The following MYPN variants were observed in gnomAD, a reference collection of about 807,000 sequenced individuals.
The protein encoded by MYPN is sarcomeric protein myopalladin, 145 kDa (MYOP).
MYPN carries 63 observed loss-of-function variants against 129.4 expected under a neutral mutation model. The observed-to-expected ratio is 0.49, with a 90% confidence interval of 0.40 to 0.60. The LOEUF (loss-of-function observed/expected upper bound fraction) is 0.60, where lower values mean the gene tolerates loss of function less well. MYPN is among the 20% of genes least tolerant of loss of function. The pLI, the probability that MYPN is intolerant of heterozygous loss-of-function variation, is 0.00. For missense variants in MYPN, 1,596 were observed against 1,635.4 expected (o/e 0.98, Z 0.42); for synonymous variants, 629 against 600.9 (o/e 1.05, Z -0.68).
At chr10:68,203,927 T>C (rs915289153) in intron 18 of MYPN, among the ~76,000 whole-genome samples, 2 of 152,210 alleles carry the variant, frequency 1.3e-5, no homozygotes, top group African/African-American at 4.8e-5. Flanking sequence ...CTCACCTATA[T>C]ACCTCTGCTC....
chr10:68,099,525 C>T (rs2041972320), intron 1 of MYPN, among the ~76,000 whole-genome samples: 1 of 151,946 alleles, frequency 6.6e-6, no homozygotes, highest in African/African-American at 2.4e-5. Flanking sequence ...ATCCCAGCCT[C>T]ATGTCTCAGG....
At chr10:68,147,930 T>C (rs1374746262) in intron 4 of MYPN, among the ~76,000 whole-genome samples, 2 of 152,184 alleles carry the variant, frequency 1.3e-5, no homozygotes, top group African/African-American at 4.8e-5. Flanking sequence ...GTTTTATATA[T>C]GAGAGACCCT....
chr10:68,196,566 C>T (rs2043610910), intron 15 of MYPN, among the ~76,000 whole-genome samples: 2 of 146,428 alleles, frequency 1.4e-5, no homozygotes, highest in South Asian at 4.4e-4. Flanking sequence ...TCACTGCAAC[C>T]TCCACCTTCC....
intron 2 of MYPN, among the ~76,000 whole-genome samples, chr10:68,141,635 C>T (rs1473839943): frequency 1.3e-5 from 2 of 152,162 alleles, no homozygotes; most frequent in African/African-American, 2.4e-5. Flanking sequence ...CCCTTCGCCC[C>T]TAATAGCCGC....
intron 12 of MYPN, among the ~76,000 whole-genome samples, chr10:68,175,854 A>G (rs760506866): frequency 6.6e-6 from 1 of 152,136 alleles, no homozygotes; most frequent in Non-Finnish European, 1.5e-5. Flanking sequence ...TCCTGGGCTC[A>G]AGTGTTCCTC....
chr10:68,206,930 T>A, intron 19 of MYPN, 27 bp downstream of exon 19: 1 of 1,613,844 alleles, frequency 6.2e-7, no homozygotes, highest in Non-Finnish European at 8.5e-7. Flanking sequence ...TAGTTGAACA[T>A]CTGTATGCAA....
intron 1 of MYPN, among the ~76,000 whole-genome samples, chr10:68,095,236 G>T (rs1164075315): frequency 6.6e-6 from 1 of 151,808 alleles, no homozygotes. Flanking sequence ...TGTGGTCCCA[G>T]CTACTCGGGA....
intron 6 of MYPN, among the ~76,000 whole-genome samples, chr10:68,157,860 A>AAAC (rs745940083): frequency 2.7e-4 from 8 of 29,358 alleles, no homozygotes; most frequent in African/African-American, 4.8e-4. Context: ...ACAAACAAAC[A>AAAC]AAAAAAAACA....
chr10:68,183,180 G>T (rs1242208230), intron 12 of MYPN, among the ~76,000 whole-genome samples: 1 of 152,128 alleles, frequency 6.6e-6, no homozygotes. Flanking sequence ...TTTCTCTGCG[G>T]CCAGGCACGG....
At chr10:68,115,401 G>A (rs766615342) in intron 1 of MYPN, among the ~76,000 whole-genome samples, 1 of 152,196 alleles carries the variant, frequency 6.6e-6, no homozygotes, top group South Asian at 2.1e-4. Context: ...GTTGCTCAGG[G>A]CATAAATATT....
At chr10:68,185,866 A>G (rs117041454) in intron 12 of MYPN, among the ~76,000 whole-genome samples, 2,329 of 152,300 alleles carry the variant, frequency 0.015, 24 homozygotes, top group Middle Eastern at 0.051. Context: ...TAAACTGGCA[A>G]GTCTAGAAAA....
chr10:68,191,367 G>A (rs1264883294), intron 13 of MYPN, among the ~76,000 whole-genome samples: 1 of 151,944 alleles, frequency 6.6e-6, no homozygotes, highest in East Asian at 1.9e-4. Context: ...ACAGCTGTGT[G>A]CCACTATGCC....
chr10:68,162,719 G>C (rs2042997063), intron 8 of MYPN, among the ~76,000 whole-genome samples: 1 of 152,226 alleles, frequency 6.6e-6, no homozygotes, highest in Non-Finnish European at 1.5e-5. Flanking sequence ...ACTTTGGGAG[G>C]CTGGGGCGGG....
At chr10:68,207,985 T>C (rs1436361546) in intron 19 of MYPN, among the ~76,000 whole-genome samples, 1 of 152,114 alleles carries the variant, frequency 6.6e-6, no homozygotes, top group East Asian at 1.9e-4. Flanking sequence ...GGTTAATGAC[T>C]ACAGCTAGGA....
chr10:68,202,415 A>G lies in MYPN; in HGVS notation c.3659+421A>G, dbSNP rs575006020. Among the ~76,000 whole-genome samples, 4 of 152,244 alleles carry G rather than the reference A, an allele frequency of 2.6e-5. No individual in the cohort carries two copies. The South Asian group carries it at 8.3e-4, about 32-fold the overall frequency. ...GCCACGGGACTCCAGCCTGGGTGAC[A>G]GAGTGAGACTCCGTCTCAAAAAAAA... On this transcript the variant is annotated intron_variant, in intron 18 of 19. Coordinates refer to ENST00000358913, the MANE Select transcript of MYPN (RefSeq NM_032578.4).
At position 68,211,517 on chromosome 10, in the gene MYPN, A is replaced by G; in HGVS notation, c.*1062A>G. On this transcript the variant is annotated 3_prime_UTR_variant, in exon 20 of 20. Coordinates refer to ENST00000358913, the MANE Select transcript of MYPN (RefSeq NM_032578.4). ...GATCATTGGTCAAATTGCATTTTCTATGTAGAGAATATTCTGCTAGGTGGA... is the reference window on the plus strand; with the variant it reads ...GATCATTGGTCAAATTGCATTTTCTGTGTAGAGAATATTCTGCTAGGTGGA... 1 of 454,098 alleles carries G rather than the reference A, an allele frequency of 2.2e-6. No individual in the cohort carries two copies. The highest frequency in any genetic ancestry group is 4.4e-6 in the Non-Finnish European group (1 of 226,772). 28.1% of individuals were successfully genotyped at this position (454,098 alleles called of 1,614,324 possible).
At chr10:68,145,640 C>A in intron 4 of MYPN, 114 bp downstream of exon 4, 2 of 811,806 alleles carry the variant, frequency 2.5e-6, no homozygotes, top group Non-Finnish European at 4.1e-6. Context: ...GGTTTGACCA[C>A]AAAAATAAAT....
At chr10:68,208,292 CAT>C (rs1247885176) in intron 19 of MYPN, among the ~76,000 whole-genome samples, 2 of 152,176 alleles carry the variant, frequency 1.3e-5, no homozygotes, top group African/African-American at 4.8e-5. Context: ...TTTATGGTTG[CAT>C]AGCAGGTATT....
Position 68,210,312 on chromosome 10 carries a change from C to T in MYPN, c.3820C>T (p.Pro1274Ser), listed in dbSNP as rs376913337. The change falls in exon 20 of 20, where the codon CCC becomes TCC. Residue 1274 changes from proline (P) to serine (S), a missense_variant. Transcript: ENST00000358913. ...TCAGTGGCACCATCAGATCCCACCG[C>T]CCATGTCTGTCCGGCCCAGTGGCAG... ...YAQWHHQIPP[P>S]MSVRPSGSRY... is the part of the protein sequence containing the mutation. 1.2e-6 allele frequency: 2 copies of T among 1,613,726 alleles called. No individual in the cohort carries two copies. The highest frequency in any genetic ancestry group is 2.7e-5 in the African/African-American group (2 of 74,922).
Sources: allele counts gnomAD v4.1 joint callset (sites outside exome capture counted in the v4.1 genomes callset), GRCh38; gene constraint gnomAD v4.1.1; transcripts MANE v1.5; gene names NCBI Gene and HGNC (gene_info 2026-07-23, HGNC 2026-07-21).